VGLL4: variants seen among roughly 807,000 people sequenced by gnomAD.
The protein encoded by VGLL4 is vestigial like family member 4.
VGLL4 carries 7 observed loss-of-function variants against 21.0 expected under a neutral mutation model. The observed-to-expected ratio is 0.33, with a 90% CI of 0.19 to 0.63. VGLL4 has a LOEUF of 0.63. VGLL4 is among the 20% of genes least tolerant of loss of function. VGLL4 has a pLI of 0.78. For missense variants in VGLL4, 394 were observed against 425.7 expected (o/e 0.93, Z 0.66); for synonymous variants, 222 against 173.2 (o/e 1.28, Z -2.21).
intron 2 of VGLL4, among the ~76,000 whole-genome samples, chr3:11,668,159 T>C (rs902421514): frequency 1.3e-5 from 2 of 151,938 alleles, no homozygotes; most frequent in African/African-American, 4.8e-5. Context: ...CAGCCTCAAA[T>C]TCCTATCTTC....
intron 2 of VGLL4, among the ~76,000 whole-genome samples, chr3:11,691,418 A>C (rs1295215135): frequency 6.6e-6 from 1 of 152,052 alleles, no homozygotes; most frequent in Non-Finnish European, 1.5e-5. Flanking sequence ...GTGCTGGTAA[A>C]CGTTAACAAC....
intron 2 of VGLL4, among the ~76,000 whole-genome samples, chr3:11,661,856 G>C (rs1465757075): frequency 1.3e-5 from 2 of 152,180 alleles, no homozygotes; most frequent in Non-Finnish European, 2.9e-5. Flanking sequence ...GGACAACAAG[G>C]GGAGATTAAA....
intron 1 of VGLL4, among the ~76,000 whole-genome samples, chr3:11,640,788 A>C (rs56124508): frequency 2.0e-3 from 312 of 152,262 alleles, no homozygotes; most frequent in African/African-American, 7.0e-3. Flanking sequence ...GGCTAAAAAG[A>C]TCGATTTGCG....
chr3:11,716,437 A>G (rs956062415), intron 1 of VGLL4, among the ~76,000 whole-genome samples: 2 of 152,184 alleles, frequency 1.3e-5, no homozygotes, highest in African/African-American at 4.8e-5. Context: ...TACTGGGAAC[A>G]TGTGCATTGG....
At chr3:11,578,387 G>A (rs576501452) in intron 2 of VGLL4, among the ~76,000 whole-genome samples, 40 of 152,178 alleles carry the variant, frequency 2.6e-4, no homozygotes, top group African/African-American at 7.7e-4. Flanking sequence ...CCCACACACC[G>A]GAGCATGGTC....
chr3:11,716,392 A>T (rs1408921432), intron 1 of VGLL4, among the ~76,000 whole-genome samples: 4 of 152,116 alleles, frequency 2.6e-5, no homozygotes, highest in African/African-American at 9.7e-5. Flanking sequence ...ATGAGAGCTC[A>T]AACAAGAAGG....
Position 11,601,836 on chromosome 3 carries a change from T to C in VGLL4, c.269A>G (p.His90Arg), listed in dbSNP as rs767498788. 5.6e-6 allele frequency: 9 copies of C among 1,613,272 alleles called. 1 individual carries two copies. In the South Asian group the frequency reaches 8.8e-5, roughly 16 times the overall value. ...VSKMSRIFNP[H>R]LNKTANGDCR... Reference sequence around the variant, plus strand: ...AAATAAGAACAGAGGAACTCACAGATGGGGGTTGAAGATGCGACTCATTTT... The same window carrying C: ...AAATAAGAACAGAGGAACTCACAGACGGGGGTTGAAGATGCGACTCATTTT... Residue 90 changes from histidine to arginine, a missense_variant, in exon 2 of 5, where the codon CAT (histidine) becomes CGT (arginine). Coordinates refer to ENST00000430365, the MANE Select transcript of VGLL4 (RefSeq NM_001128219.3).
rs1335103750 is a variant in VGLL4, at chr3:11,719,381, G to A, written c.-14+1013C>T. 2 of 151,654 alleles carry A rather than the reference G, an allele frequency of 1.3e-5. No individual in the cohort carries two copies. The highest frequency in any genetic ancestry group is 6.6e-5 in the Admixed American group (1 of 15,218). 9.4% of individuals were successfully genotyped at this position (151,654 alleles called of 1,614,324 possible). A position where few individuals can be genotyped will look rare whatever the true frequency, so the allele number is the denominator to read the frequency against. On this transcript the variant is annotated intron_variant, in intron 1 of 5. Coordinates refer to the VGLL4 transcript ENST00000273038. This position sits in a 1 kb window ranked among gnomAD's most constrained non-coding sequence, Gnocchi z 4.0. Reference sequence around the variant, plus strand: ...TCTCAGGCCAGCCCTCGCCCAGCCCGGGTCCCGCCCCGCCGACCGGGTCAA... The same window carrying A: ...TCTCAGGCCAGCCCTCGCCCAGCCCAGGTCCCGCCCCGCCGACCGGGTCAA...
intron 2 of VGLL4, among the ~76,000 whole-genome samples, chr3:11,678,958 C>T (rs80082160): frequency 0.015 from 2,212 of 152,236 alleles, 71 homozygotes; most frequent in African/African-American, 0.051. Context: ...CAACGCCTTA[C>T]GTGTTTGAGG....
chr3:11,709,213 G>A (rs1208370888), intron 1 of VGLL4, among the ~76,000 whole-genome samples: 3 of 151,742 alleles, frequency 2.0e-5, no homozygotes, highest in African/African-American at 7.3e-5. Flanking sequence ...CAAGGTGGGC[G>A]GATCACAAGG....
In VGLL4 at chr3:11,643,849, T is replaced by C. The variant is rs559661921; in HGVS notation, c.-331A>G. ...AAAGAGAAACGCGCAGCCCGTTTCCTAGGACAAAGCGGCGCCGGCCCCTCT... is the reference window on the plus strand; with the variant it reads ...AAAGAGAAACGCGCAGCCCGTTTCCCAGGACAAAGCGGCGCCGGCCCCTCT... On this transcript the variant is annotated 5_prime_UTR_variant, in exon 1 of 5. Coordinates refer to ENST00000430365, the MANE Select transcript of VGLL4 (RefSeq NM_001128219.3). The C allele has an allele frequency of 6.7e-6, 7 of 1,046,264 alleles. 1 individual carries two copies. The South Asian group carries it at 1.4e-4, about 21-fold the overall frequency. The allele number at this position is 1,046,264 out of a possible 1,614,324, so 64.8% of individuals were successfully genotyped here.
At chr3:11,703,478 G>A (rs1040687369) in intron 1 of VGLL4, among the ~76,000 whole-genome samples, 8 of 152,210 alleles carry the variant, frequency 5.3e-5, no homozygotes, top group African/African-American at 1.2e-4. Context: ...GGAAAGCTGT[G>A]TGAGAAACCC....
chr3:11,647,742 CAGTCTGGCAGA>C (rs66470610), upstream of VGLL4, among the ~76,000 whole-genome samples: 86,960 of 151,574 alleles, frequency 0.57, 25,119 homozygotes, highest in African/African-American at 0.61. Context: ...TTTTCGAGGT[CAGTCTGGCAGA>C]AGTCTGGCAG....
chr3:11,679,966 C>G (rs1189385789), intron 2 of VGLL4, among the ~76,000 whole-genome samples: 1 of 152,196 alleles, frequency 6.6e-6, no homozygotes, highest in African/African-American at 2.4e-5. Context: ...CCACTCACTA[C>G]TCACCCAGTG....
intron 1 of VGLL4, chr3:11,703,071 A>AG (rs776781546): frequency 6.9e-7 from 1 of 1,443,010 alleles, no homozygotes; most frequent in Admixed American, 2.4e-5. Flanking sequence ...ATAAAAGGGG[A>AG]AAAAATAATT....
chr3:11,612,469 G>A (rs1249611034), intron 1 of VGLL4: 6 of 152,308 alleles, frequency 3.9e-5, no homozygotes, highest in South Asian at 2.1e-4. Context: ...TAGGTTTGAG[G>A]TTGGGTTTTA....
intron 1 of VGLL4, among the ~76,000 whole-genome samples, chr3:11,618,005 T>C (rs2075196654): frequency 6.6e-6 from 1 of 152,266 alleles, no homozygotes; most frequent in Admixed American, 6.5e-5. Context: ...AGCTTCCATT[T>C]ATCCATGATT....
At chr3:11,618,945 T>A (rs1471240895) in intron 1 of VGLL4, among the ~76,000 whole-genome samples, 1 of 152,210 alleles carries the variant, frequency 6.6e-6, no homozygotes, top group Non-Finnish European at 1.5e-5. Flanking sequence ...GCAAATTTTA[T>A]CAATGAGAAG....
chr3:11,672,578 A>G (rs1293798303), intron 2 of VGLL4, among the ~76,000 whole-genome samples: 1 of 152,224 alleles, frequency 6.6e-6, no homozygotes, highest in South Asian at 2.1e-4. Context: ...AGGTAATGAC[A>G]TACTCATCCT....
Sources: allele counts gnomAD v4.1 joint callset (sites outside exome capture counted in the v4.1 genomes callset), GRCh38; gene constraint gnomAD v4.1.1; non-coding constraint Gnocchi (gnomAD v3.1); transcripts MANE v1.5; gene names NCBI Gene and HGNC (gene_info 2026-07-23, HGNC 2026-07-21).